HDAC9: variants seen among roughly 807,000 people sequenced by gnomAD.
The protein encoded by HDAC9 is histone deacetylase 9.
HDAC9 carries 41 observed loss-of-function variants against 139.4 expected under a neutral mutation model. That is an observed-to-expected ratio of 0.29 (90% confidence interval 0.23 to 0.38). The LOEUF is 0.38. HDAC9 is among the 10% of genes least tolerant of loss of function. The probability of loss-of-function intolerance (pLI) is 1.00; values close to 1 mark genes in which losing one functional copy is unlikely to be tolerated. For missense variants in HDAC9, 1,147 were observed against 1,297.0 expected (o/e 0.88, Z 1.78); for synonymous variants, 517 against 476.2 (o/e 1.09, Z -1.12).
chr7:18,552,325 G>A (rs189935297), intron 2 of HDAC9, among the ~76,000 whole-genome samples: 1 of 151,894 alleles, frequency 6.6e-6, no homozygotes, highest in East Asian at 1.9e-4. Flanking sequence ...AAATTAATTT[G>A]CATTTTTTTG....
chr7:18,091,782 T>A (rs1418598199), intron 1 of HDAC9, among the ~76,000 whole-genome samples: 1 of 152,236 alleles, frequency 6.6e-6, no homozygotes, highest in African/African-American at 2.4e-5. Context: ...TTTTCTATTA[T>A]TGGCAGAATT....
intron 13 of HDAC9, among the ~76,000 whole-genome samples, chr7:18,741,576 A>G (rs1213529529): frequency 6.6e-6 from 1 of 152,224 alleles, no homozygotes; most frequent in African/African-American, 2.4e-5. Context: ...GTGCAATGAG[A>G]TTAAGTTTTC....
At chr7:18,672,726 A>G (rs1795739548) in intron 12 of HDAC9, among the ~76,000 whole-genome samples, 5 of 152,074 alleles carry the variant, frequency 3.3e-5, no homozygotes, top group Admixed American at 3.3e-4. Flanking sequence ...ATTTTGTGTC[A>G]TACACATTGT....
At chr7:18,966,692 C>T (rs1783877027) in intron 24 of HDAC9, among the ~76,000 whole-genome samples, 1 of 148,590 alleles carries the variant, frequency 6.7e-6, no homozygotes, top group South Asian at 2.2e-4. Context: ...CAGAGCGAGA[C>T]TCCGACTCAA....
At chr7:18,375,143 C>T (rs987322047) in intron 1 of HDAC9, among the ~76,000 whole-genome samples, 82 of 152,292 alleles carry the variant, frequency 5.4e-4, no homozygotes, top group African/African-American at 1.8e-3. Context: ...TAGCTTCATG[C>T]ATGTTACTAC....
intron 1 of HDAC9, among the ~76,000 whole-genome samples, chr7:18,444,341 G>GA (rs754142568): frequency 0.02 from 690 of 35,120 alleles, 91 homozygotes; most frequent in African/African-American, 0.053. Context: ...GACCCTGTCT[G>GA]AAAAAAAAAA....
chr7:18,147,114 A>G (rs1026200880), intron 1 of HDAC9, among the ~76,000 whole-genome samples: 5 of 152,158 alleles, frequency 3.3e-5, no homozygotes, highest in Non-Finnish European at 5.9e-5. Flanking sequence ...TCTTTTTCCT[A>G]AATGAATCAT....
intron 22 of HDAC9, among the ~76,000 whole-genome samples, chr7:18,884,962 A>G (rs10281987): frequency 0.04 from 6,155 of 152,312 alleles, 296 homozygotes; most frequent in African/African-American, 0.11. Flanking sequence ...GTGGTTCTGT[A>G]TACTGATATT....
intron 1 of HDAC9, chr7:18,430,870 G>C (rs183534605): frequency 2.6e-5 from 4 of 152,504 alleles, no homozygotes; most frequent in Admixed American, 2.6e-4. Flanking sequence ...CTGGACAACA[G>C]AGTGAGACTA....
At chr7:18,356,357 G>GGTTT (rs1562911079) in intron 1 of HDAC9, among the ~76,000 whole-genome samples, 1 of 27,326 alleles carries the variant, frequency 3.7e-5, no homozygotes, top group Non-Finnish European at 7.5e-5. Context: ...GCAGCACATA[G>GGTTT]GTTTTTTTTT....
intron 2 of HDAC9, among the ~76,000 whole-genome samples, chr7:18,238,251 T>G (rs1490335681): frequency 1.3e-5 from 2 of 152,256 alleles, no homozygotes; most frequent in African/African-American, 4.8e-5. Flanking sequence ...ATTTTATTAT[T>G]TTATCAATGA....
intron 24 of HDAC9, among the ~76,000 whole-genome samples, chr7:18,964,954 T>C (rs1232600819): frequency 6.6e-6 from 1 of 152,202 alleles, no homozygotes; most frequent in African/African-American, 2.4e-5. Context: ...TGCAATTTGG[T>C]TTCCCATGTA....
At chr7:18,766,545 T>C (rs1012989258) in intron 15 of HDAC9, among the ~76,000 whole-genome samples, 3 of 152,226 alleles carry the variant, frequency 2.0e-5, no homozygotes, top group African/African-American at 7.2e-5. Context: ...TGGCCTATGG[T>C]GTACTTGGCT....
At chr7:18,425,458 G>A (rs538716605) in intron 1 of HDAC9, among the ~76,000 whole-genome samples, 35 of 152,332 alleles carry the variant, frequency 2.3e-4, no homozygotes, top group Non-Finnish European at 8.8e-5. Context: ...GGTGACGCGT[G>A]TTAGGGAGAG....
intron 2 of HDAC9, among the ~76,000 whole-genome samples, chr7:18,233,845 C>T (rs996693658): frequency 2.6e-5 from 4 of 152,120 alleles, no homozygotes; most frequent in Non-Finnish European, 5.9e-5. Flanking sequence ...TTTGTTTTAT[C>T]TTGTCAACAC....
intron 1 of HDAC9, among the ~76,000 whole-genome samples, chr7:18,470,478 T>A (rs983788943): frequency 6.6e-6 from 1 of 152,306 alleles, no homozygotes; most frequent in South Asian, 2.1e-4. Flanking sequence ...TTCTTTTAAA[T>A]CATTAAAATG....
chr7:18,964,821 A>G (rs935571671), intron 24 of HDAC9, among the ~76,000 whole-genome samples: 5 of 152,296 alleles, frequency 3.3e-5, no homozygotes, highest in South Asian at 4.1e-4. Flanking sequence ...TCATGATTCA[A>G]TCACCTCCCA....
chr7:18,621,892 C>T (rs1259221223), intron 6 of HDAC9, among the ~76,000 whole-genome samples: 1 of 152,114 alleles, frequency 6.6e-6, no homozygotes, highest in Non-Finnish European at 1.5e-5. Flanking sequence ...ACTGTGTTCC[C>T]AAAGTGTCTT....
chr7:18,162,374 G>GT (rs771907499), intron 2 of HDAC9: 1 of 1,527,216 alleles, frequency 6.5e-7, no homozygotes, highest in South Asian at 1.2e-5. Flanking sequence ...TTCTTAAACT[G>GT]TTAATAGACT....
Sources: allele counts gnomAD v4.1 joint callset (sites outside exome capture counted in the v4.1 genomes callset), GRCh38; gene constraint gnomAD v4.1.1; transcripts MANE v1.5; gene names NCBI Gene and HGNC (gene_info 2026-07-23, HGNC 2026-07-21).